NOS1: variants seen among roughly 807,000 people sequenced by gnomAD.
The protein encoded by NOS1 is NOS type I.
NOS1 carries 51 observed loss-of-function variants against 164.5 expected under a neutral mutation model. That is an observed-to-expected ratio of 0.31 (90% CI 0.25 to 0.39). The LOEUF (loss-of-function observed/expected upper bound fraction) is 0.39, where lower values mean the gene tolerates loss of function less well. Among genes scored for constraint, NOS1 ranks in the 10% least tolerant of loss-of-function variants. The pLI, the probability that NOS1 is intolerant of heterozygous loss-of-function variation, is 1.00. For synonymous variants in NOS1, 719 were observed against 745.8 expected, an observed-to-expected ratio of 0.96 and a Z score of 0.59; for missense variants, 1,362 against 1,885.6, an observed-to-expected ratio of 0.72 and a Z score of 5.14.
At chr12:117,347,870 C>T (rs1402858205) in intron 1 of NOS1, among the ~76,000 whole-genome samples, 2 of 152,176 alleles carry the variant, frequency 1.3e-5, no homozygotes, top group African/African-American at 4.8e-5. Context: ...TGCACCAAAG[C>T]CCTTCCTGGA....
rs917985652 is a variant in NOS1, at chr12:117,212,535, A to G, written c.*2774T>C. 6 of 985,288 alleles carry G rather than the reference A, an allele frequency of 6.1e-6. No homozygotes were observed. The African/African-American group carries it at 7.0e-5, about 11-fold the overall frequency. The allele number at this position is 985,288 out of a possible 1,614,324, so 61.0% of individuals were successfully genotyped here. A position where few individuals can be genotyped will look rare whatever the true frequency, so the allele number is the denominator to read the frequency against. ...GGATGCATAGTGATGGCAGGTGAGCATGATGTTCCGGTGTTCCTATTTCAG... is the reference window on the plus strand; with the variant it reads ...GGATGCATAGTGATGGCAGGTGAGCGTGATGTTCCGGTGTTCCTATTTCAG... On this transcript the variant is annotated 3_prime_UTR_variant, in exon 29 of 29. Coordinates refer to ENST00000317775, the MANE Select transcript of NOS1 (RefSeq NM_000620.5).
intron 17 of NOS1, among the ~76,000 whole-genome samples, chr12:117,251,724 C>G (rs960423895): frequency 4.0e-5 from 6 of 151,430 alleles, no homozygotes; most frequent in Non-Finnish European, 5.9e-5. Flanking sequence ...AGCCACTGTG[C>G]CTGGTCTTGG....
At chr12:117,241,428 T>C (rs1231088362) in intron 20 of NOS1, among the ~76,000 whole-genome samples, 3 of 151,538 alleles carry the variant, frequency 2.0e-5, no homozygotes, top group Admixed American at 6.6e-5. Context: ...CCTATGGCAC[T>C]TTGCAATGAT....
chr12:117,208,596 G>C lies in NOS1; in HGVS notation c.*6713C>G. The C allele has an allele frequency of 8.4e-7, 1 of 1,192,350 alleles. No homozygotes were observed. The highest frequency in any genetic ancestry group is 1.1e-6 in the Non-Finnish European group (1 of 940,946). The allele number at this position is 1,192,350 out of a possible 1,614,324, so 73.9% of individuals were successfully genotyped here. ...CAACAATGAAAACAGTGGCGGCAGA[G>C]CACAGGACATGGGAGGGGACTGAGA... On this transcript the variant is annotated 3_prime_UTR_variant, in exon 29 of 29. Coordinates refer to ENST00000317775, the MANE Select transcript of NOS1 (RefSeq NM_000620.5).
chr12:117,345,573 T>C (rs1876310908), intron 1 of NOS1, among the ~76,000 whole-genome samples: 1 of 152,226 alleles, frequency 6.6e-6, no homozygotes, highest in Non-Finnish European at 1.5e-5. Flanking sequence ...AAGCTTAAAA[T>C]ATATATTTAG....
rs1351994639 is a variant in NOS1 at position 117,218,219 on chromosome 12, A to C, written c.4171-55T>G. ...TCTCAAATGCCAGATAAAGGCTTGG[A>C]GCAGGGGCAGACTTGCCTGACACCT... On this transcript the variant is annotated intron_variant, in intron 27 of 28. Transcript: ENST00000317775. 6.5e-5 allele frequency: 85 copies of C among 1,316,266 alleles called. 1 individual carries two copies. The highest frequency in any genetic ancestry group is 8.6e-5 in the Non-Finnish European group (78 of 908,950). 81.5% of individuals were successfully genotyped at this position (1,316,266 alleles called of 1,614,324 possible).
At chr12:117,257,635 C>T (rs1201587148) in intron 16 of NOS1, among the ~76,000 whole-genome samples, 17 of 96,912 alleles carry the variant, frequency 1.8e-4, no homozygotes, top group Non-Finnish European at 1.5e-4. Flanking sequence ...TTTTTTTTGA[C>T]AGGTCTGGCT....
intron 10 of NOS1, among the ~76,000 whole-genome samples, chr12:117,269,475 T>TA (rs1872655132): frequency 6.9e-6 from 1 of 145,184 alleles, no homozygotes; most frequent in African/African-American, 2.6e-5. Context: ...TTTTTTTTTT[T>TA]TTTTTTTTTT....
chr12:117,215,438 C>CTTT (rs149003143), intron 28 of NOS1, 114 bp from the exon 29 acceptor site: 154 of 1,007,180 alleles, frequency 1.5e-4, no homozygotes, highest in East Asian at 4.2e-4. Flanking sequence ...TTGTCTCTTT[C>CTTT]TTTTTTTTTT....
At chr12:117,218,473 T>C (rs1956646511) in intron 27 of NOS1, among the ~76,000 whole-genome samples, 1 of 152,040 alleles carries the variant, frequency 6.6e-6, no homozygotes, top group African/African-American at 2.4e-5. Flanking sequence ...TGAGGTCAAA[T>C]GGAAACCTCA....
In NOS1 at chr12:117,247,467, G is replaced by A; in HGVS notation, c.2704C>T (p.His902Tyr). The A allele has an allele frequency of 6.2e-7, 1 of 1,612,926 alleles. No individual in the cohort carries two copies. The change falls in exon 18 of 29, where the codon CAC becomes TAC. Residue 902 changes from histidine (H) to tyrosine (Y), a missense_variant. His to Tyr is a moderately conservative substitution (Grantham distance 83). Around this residue, in one of 4 missense-constraint regions of NOS1, gnomAD observed 737 missense variants for 1,030.3 expected, o/e 0.72. Transcript: ENST00000317775. ...TCTTCCAGGAGGGTGTCCACAGCGTGTCCGAAGGCGCAAAAGTGAGGGTAT... is the reference window on the plus strand; with the variant it reads ...TCTTCCAGGAGGGTGTCCACAGCGTATCCGAAGGCGCAAAAGTGAGGGTAT... The part of the protein sequence containing the change: ...RAYPHFCAFG[H>Y]AVDTLLEELG...
At chr12:117,352,258 ACACTC>A (rs1305937188) in intron 1 of NOS1, among the ~76,000 whole-genome samples, 1 of 152,196 alleles carries the variant, frequency 6.6e-6, no homozygotes, top group Non-Finnish European at 1.5e-5. Flanking sequence ...ATGGCACTGA[ACACTC>A]TGGAGGCAAG....
chr12:117,260,528 T>C lies in NOS1; in HGVS notation c.2304A>G (p.Thr768=). Residue 768 remains threonine (T), a synonymous_variant, in exon 14 of 29, where the codon ACA becomes ACG. Transcript: ENST00000317775. ...TCTTGGCATAAGCTTGCGATTTGCC[T>C]GTCTCTGTGGCATAGAGGATGGTCG... ...VKATILYATE[T]GKSQAYAKTL... 3 of 1,614,186 alleles carry C rather than the reference T, an allele frequency of 1.9e-6. No homozygotes were observed. Among genetic ancestry groups the C allele is most frequent in the Non-Finnish European group, 1.7e-6 (2 of 1,180,032 alleles).
chr12:117,289,231 GTC>G (rs1359304023), intron 4 of NOS1, among the ~76,000 whole-genome samples: 1 of 152,192 alleles, frequency 6.6e-6, no homozygotes, highest in Non-Finnish European at 1.5e-5. Flanking sequence ...TCCACCAGTG[GTC>G]AGACTGTGAG....
At chr12:117,282,540 T>C (rs1014453146) in intron 7 of NOS1, among the ~76,000 whole-genome samples, 1 of 152,230 alleles carries the variant, frequency 6.6e-6, no homozygotes, top group Non-Finnish European at 1.5e-5. Context: ...TCTAGTTTCA[T>C]AGAGCCTTCT....
chr12:117,230,392 C>G (rs762371191), intron 22 of NOS1, among the ~76,000 whole-genome samples: 4 of 152,222 alleles, frequency 2.6e-5, no homozygotes, highest in Non-Finnish European at 5.9e-5. Flanking sequence ...AAATAATGGT[C>G]TCCTGTTCTA....
At chr12:117,285,671 C>A (rs1476224596) in intron 6 of NOS1, among the ~76,000 whole-genome samples, 1 of 151,984 alleles carries the variant, frequency 6.6e-6, no homozygotes, top group Non-Finnish European at 1.5e-5. Flanking sequence ...AAAAACAGAA[C>A]AAAAATCAAA....
chr12:117,261,293 G>A (rs1871891931), intron 13 of NOS1, among the ~76,000 whole-genome samples: 1 of 151,746 alleles, frequency 6.6e-6, no homozygotes, highest in Non-Finnish European at 1.5e-5. Context: ...AAGAACCTTG[G>A]TTTGCCAAGC....
chr12:117,266,612 G>T (rs1419606655), intron 11 of NOS1, among the ~76,000 whole-genome samples: 1 of 149,650 alleles, frequency 6.7e-6, no homozygotes, highest in African/African-American at 2.5e-5. Flanking sequence ...ATCTCGGCTC[G>T]CCGCAACCTC....
Sources: gnomAD v4.1 joint callset for allele counts (sites outside exome capture counted in the v4.1 genomes callset) on GRCh38, gnomAD v4.1.1 for gene constraint, gnomAD v4.1.1 regional missense constraint, MANE v1.5 for transcripts, NCBI Gene and HGNC (gene_info 2026-07-23, HGNC 2026-07-21) for gene names.